MARK1: variants seen among roughly 807,000 people sequenced by gnomAD.
The protein encoded by MARK1 is microtubule affinity regulating kinase 1.
Under a neutral mutation model 96.3 loss-of-function variants are expected in MARK1, and 40 were observed. The ratio of observed to expected loss-of-function variants is 0.42; its 90% CI spans 0.32 to 0.54. MARK1 has a LOEUF of 0.54. Ranked by LOEUF, MARK1 falls within the 20% of genes least tolerant of loss-of-function variation. The pLI is 0.16. For synonymous variants in MARK1, 317 were observed against 341.2 expected, an observed-to-expected ratio of 0.93 and a Z score of 0.78; for missense variants, 719 against 984.6, an observed-to-expected ratio of 0.73 and a Z score of 3.61.
chr1:220,587,480 T>C (rs142171880), intron 3 of MARK1, among the ~76,000 whole-genome samples: 1 of 152,228 alleles, frequency 6.6e-6, no homozygotes, highest in African/African-American at 2.4e-5. Context: ...GTGATTCTCC[T>C]GCCTTAGCCT....
intron 3 of MARK1, among the ~76,000 whole-genome samples, chr1:220,592,771 A>G (rs1665084062): frequency 6.6e-6 from 1 of 152,200 alleles, no homozygotes; most frequent in Non-Finnish European, 1.5e-5. Flanking sequence ...CTTGGAGTGT[A>G]AGGCTGCAGG....
At chr1:220,544,751 C>G (rs550090148) in intron 1 of MARK1, among the ~76,000 whole-genome samples, 9 of 152,340 alleles carry the variant, frequency 5.9e-5, no homozygotes, top group African/African-American at 2.2e-4. Context: ...AGCTGAGCCA[C>G]AGTACCAAAT....
rs577093648 is a variant in MARK1, at chr1:220,545,747, G to A, written c.51+16874G>A. Among the ~76,000 whole-genome samples the A allele has an allele frequency of 5.9e-5, 9 of 152,124 alleles. No individual in the cohort carries two copies. The East Asian group carries it at 1.4e-3, about 23-fold the overall frequency. On this transcript the variant is annotated intron_variant, in intron 1 of 17. Transcript: ENST00000366917. ...GAGCCACCACACCCAGCCTGAAAGC[G>A]CTTTTAATACAGTATTTATATACAC...
At chr1:220,573,985 A>G (rs1217770480) in intron 1 of MARK1, among the ~76,000 whole-genome samples, 1 of 152,182 alleles carries the variant, frequency 6.6e-6, no homozygotes, top group African/African-American at 2.4e-5. Context: ...TACTTTAAAA[A>G]ATGTATTTAT....
At chr1:220,656,730 G>A (rs958755682) in intron 16 of MARK1, among the ~76,000 whole-genome samples, 1 of 152,072 alleles carries the variant, frequency 6.6e-6, no homozygotes, top group African/African-American at 2.4e-5. Context: ...AGAAATTTAA[G>A]AAATTACATT....
intron 13 of MARK1, 63 bp from the exon 14 acceptor site, chr1:220,650,557 A>G (rs974088785): frequency 5.2e-5 from 56 of 1,074,390 alleles, no homozygotes; most frequent in Non-Finnish European, 7.3e-5. Context: ...GCTTAAATAC[A>G]TTTCTTTGGC....
At chr1:220,547,128 T>A (rs1306073579) in intron 1 of MARK1, among the ~76,000 whole-genome samples, 2 of 152,234 alleles carry the variant, frequency 1.3e-5, no homozygotes, top group African/African-American at 2.4e-5. Flanking sequence ...CCTACTTACC[T>A]GTAAACTGTC....
chr1:220,556,601 G>A (rs1424230769), intron 1 of MARK1, among the ~76,000 whole-genome samples: 1 of 151,346 alleles, frequency 6.6e-6, no homozygotes, highest in African/African-American at 2.4e-5. Context: ...GAAATAATGC[G>A]ACTATCTGAA....
chr1:220,658,472 A>G (rs541503058), intron 17 of MARK1, among the ~76,000 whole-genome samples: 1 of 152,348 alleles, frequency 6.6e-6, no homozygotes, highest in South Asian at 2.1e-4. Context: ...TCAAGTCCCC[A>G]GGAGATGCTT....
chr1:220,582,965 T>A (rs983633683), intron 3 of MARK1, among the ~76,000 whole-genome samples: 3 of 152,194 alleles, frequency 2.0e-5, no homozygotes, highest in Non-Finnish European at 4.4e-5. Context: ...TTTGCTTTCT[T>A]TTAGAAGTTC....
At chr1:220,572,154 T>C (rs1157513469) in intron 1 of MARK1, 2 of 152,250 alleles carry the variant, frequency 1.3e-5, no homozygotes, top group Non-Finnish European at 2.9e-5. Flanking sequence ...ACTTAGAGTT[T>C]AAGAACTATG....
intron 1 of MARK1, among the ~76,000 whole-genome samples, chr1:220,545,586 A>C (rs1048667910): frequency 6.6e-6 from 1 of 151,566 alleles, no homozygotes; most frequent in Non-Finnish European, 1.5e-5. Flanking sequence ...ATAGGTGCTC[A>C]CTGCCATGCC....
intron 16 of MARK1, among the ~76,000 whole-genome samples, chr1:220,656,962 C>A (rs898157674): frequency 1.3e-5 from 2 of 151,858 alleles, no homozygotes; most frequent in Non-Finnish European, 2.9e-5. Context: ...TTATTGCATT[C>A]GTTTTACATA....
At chr1:220,655,983 C>T (rs993639136) in intron 16 of MARK1, among the ~76,000 whole-genome samples, 2 of 152,176 alleles carry the variant, frequency 1.3e-5, no homozygotes, top group African/African-American at 4.8e-5. Flanking sequence ...ATTCCTTCTG[C>T]CTGGAATTCT....
chr1:220,567,534 G>A (rs922599472), intron 1 of MARK1, among the ~76,000 whole-genome samples: 7 of 152,062 alleles, frequency 4.6e-5, no homozygotes, highest in Non-Finnish European at 7.4e-5. Flanking sequence ...AGAGATACCC[G>A]AAAGCTAGAA....
chr1:220,623,338 T>C (rs1447641637), intron 9 of MARK1, among the ~76,000 whole-genome samples: 1 of 152,220 alleles, frequency 6.6e-6, no homozygotes. Flanking sequence ...AGGTAGTCCA[T>C]ATCTCTCTTC....
chr1:220,554,538 C>G (rs1483516975), intron 1 of MARK1, among the ~76,000 whole-genome samples: 5 of 152,036 alleles, frequency 3.3e-5, no homozygotes, highest in African/African-American at 1.2e-4. Flanking sequence ...TTTGAGAGAC[C>G]CTGAACTAAA....
intron 1 of MARK1, among the ~76,000 whole-genome samples, chr1:220,574,638 T>C (rs1663708609): frequency 6.6e-6 from 1 of 152,222 alleles, no homozygotes; most frequent in South Asian, 2.1e-4. Context: ...AGACTTTGCC[T>C]GCTTTTTTAT....
intron 3 of MARK1, among the ~76,000 whole-genome samples, chr1:220,593,838 G>A (rs1011959035): frequency 6.6e-6 from 1 of 152,192 alleles, no homozygotes; most frequent in African/African-American, 2.4e-5. Context: ...GGCCCAGGCA[G>A]GGGTGGCATC....
Sources: allele counts gnomAD v4.1 joint callset (sites outside exome capture counted in the v4.1 genomes callset), GRCh38; gene constraint gnomAD v4.1.1; transcripts MANE v1.5; gene names NCBI Gene and HGNC (gene_info 2026-07-23, HGNC 2026-07-21).